Variants in CDK14 observed in about 807,000 individuals in gnomAD.
The protein encoded by CDK14 is cyclin dependent kinase 14, also known as cyclin-dependent kinase 14.
Under a neutral mutation model 60.7 loss-of-function variants are expected in CDK14, and 34 were observed. The ratio of observed to expected loss-of-function variants is 0.56; its 90% CI spans 0.43 to 0.75. The LOEUF (loss-of-function observed/expected upper bound fraction) is 0.75. Among genes scored for constraint, CDK14 ranks in the 30% least tolerant of loss-of-function variants. The pLI is 0.00. For synonymous variants in CDK14, 197 were observed against 203.7 expected, an observed-to-expected ratio of 0.97 and a Z score of 0.28; for missense variants, 482 against 564.1, an observed-to-expected ratio of 0.85 and a Z score of 1.47.
chr7:90,938,220 C>G (rs1373567258), intron 8 of CDK14, among the ~76,000 whole-genome samples: 4 of 152,212 alleles, frequency 2.6e-5, no homozygotes, highest in Non-Finnish European at 5.9e-5. Context: ...AAATGGCAAT[C>G]CTTTCTTAAA....
intron 2 of CDK14, among the ~76,000 whole-genome samples, chr7:90,630,639 A>T (rs912805369): frequency 1.3e-5 from 2 of 152,164 alleles, no homozygotes; most frequent in Admixed American, 6.5e-5. Context: ...TGGTATTTGA[A>T]TTATTATGTA....
intron 4 of CDK14, among the ~76,000 whole-genome samples, chr7:90,752,917 C>T (rs1803907193): frequency 6.6e-6 from 1 of 152,046 alleles, no homozygotes; most frequent in African/African-American, 2.4e-5. Context: ...ATTTCTGGAA[C>T]ACATAACCTC....
At chr7:91,030,201 A>C (rs1796723204) in intron 10 of CDK14, among the ~76,000 whole-genome samples, 1 of 152,240 alleles carries the variant, frequency 6.6e-6, no homozygotes, top group Admixed American at 6.5e-5. Context: ...CAAATGTAGT[A>C]CATTTTTATA....
At chr7:91,136,603 T>C (rs1800286997) in intron 14 of CDK14, among the ~76,000 whole-genome samples, 1 of 152,198 alleles carries the variant, frequency 6.6e-6, no homozygotes, top group Admixed American at 6.5e-5. Context: ...AAACATGCCT[T>C]GTAATGGATC....
intron 10 of CDK14, among the ~76,000 whole-genome samples, chr7:91,020,451 G>T (rs560257653): frequency 1.3e-5 from 2 of 152,292 alleles, no homozygotes; most frequent in South Asian, 2.1e-4. Flanking sequence ...TGCTCACATG[G>T]ATCACATATT....
intron 10 of CDK14, among the ~76,000 whole-genome samples, chr7:90,985,237 T>C (rs890946655): frequency 6.6e-6 from 1 of 152,206 alleles, no homozygotes; most frequent in African/African-American, 2.4e-5. Context: ...CCAGACTATC[T>C]GGGCTTATCA....
chr7:90,895,447 TCCCCTCC>T (rs1792291241), intron 6 of CDK14, among the ~76,000 whole-genome samples: 1 of 9,978 alleles, frequency 1.0e-4, no homozygotes, highest in Non-Finnish European at 1.8e-4. Context: ...TCTCCTCCCC[TCCCCTCC>T]CCTCCCCTCC....
At chr7:91,204,172 A>T (rs1802811621) in intron 14 of CDK14, among the ~76,000 whole-genome samples, 1 of 152,034 alleles carries the variant, frequency 6.6e-6, no homozygotes, top group African/African-American at 2.4e-5. Flanking sequence ...GTATCCATTT[A>T]CCCCCAGGCC....
intron 10 of CDK14, among the ~76,000 whole-genome samples, chr7:91,035,945 G>A (rs915552439): frequency 3.4e-5 from 5 of 146,440 alleles, no homozygotes; most frequent in Admixed American, 7.1e-5. Context: ...CCGGGTTCAC[G>A]CCATTCTCCT....
intron 5 of CDK14, chr7:90,824,715 A>G (rs1455828089): frequency 6.6e-5 from 10 of 152,202 alleles, no homozygotes; most frequent in Admixed American, 1.3e-4. Context: ...TTTTTGATCT[A>G]TGGGGCTATT....
chr7:90,845,381 A>G (rs1443927821), intron 5 of CDK14, among the ~76,000 whole-genome samples: 2 of 152,094 alleles, frequency 1.3e-5, no homozygotes, highest in East Asian at 3.9e-4. Flanking sequence ...TAAAAGTTTA[A>G]TTTTACTTTT....
intron 8 of CDK14, among the ~76,000 whole-genome samples, chr7:90,941,323 C>A (rs1363898920): frequency 6.6e-6 from 1 of 152,168 alleles, no homozygotes; most frequent in African/African-American, 2.4e-5. Context: ...CCAGGCCCAC[C>A]CTGTCTCAAA....
chr7:91,039,117 A>G (rs746778749), intron 10 of CDK14, among the ~76,000 whole-genome samples: 7 of 152,132 alleles, frequency 4.6e-5, no homozygotes, highest in Non-Finnish European at 7.3e-5. Context: ...TTTGCTTGAC[A>G]AGCGCCCAGT....
intron 5 of CDK14, among the ~76,000 whole-genome samples, chr7:90,816,665 T>G (rs1175177408): frequency 1.3e-5 from 2 of 152,140 alleles, no homozygotes; most frequent in South Asian, 2.1e-4. Context: ...GAGAAAGATT[T>G]GAGTATCTTC....
intron 12 of CDK14, among the ~76,000 whole-genome samples, chr7:91,084,964 G>A (rs1798593265): frequency 1.3e-5 from 2 of 152,218 alleles, no homozygotes; most frequent in African/African-American, 4.8e-5. Flanking sequence ...TCCCTGAAAG[G>A]AGGAGATGGA....
At position 90,865,799 on chromosome 7, in the gene CDK14, T is replaced by C. The variant is rs1306440795; in HGVS notation, c.639+2530T>C. On this transcript the variant is annotated intron_variant, in intron 6 of 14. Coordinates refer to ENST00000380050, the MANE Select transcript of CDK14 (RefSeq NM_001287135.2). ...GTCACTTTTGGTGCTCTCAACAGCC[T>C]CATGGAACTGTAAATACCATCATTT... Among the ~76,000 whole-genome samples, 3 of 152,158 alleles carry C rather than the reference T, an allele frequency of 2.0e-5. No individual in the cohort carries two copies. In the East Asian group the frequency reaches 5.8e-4, roughly 29 times the overall value.
At chr7:90,936,601 T>C (rs1410602570) in intron 8 of CDK14, among the ~76,000 whole-genome samples, 1 of 152,220 alleles carries the variant, frequency 6.6e-6, no homozygotes, top group Non-Finnish European at 1.5e-5. Flanking sequence ...TTAAATATCA[T>C]TATTTTAATT....
At chr7:90,813,461 G>A (rs1167665981) in intron 5 of CDK14, among the ~76,000 whole-genome samples, 1 of 152,180 alleles carries the variant, frequency 6.6e-6, no homozygotes, top group African/African-American at 2.4e-5. Flanking sequence ...AAAAATGACT[G>A]ATCTGGCTGG....
intron 9 of CDK14, among the ~76,000 whole-genome samples, chr7:90,968,836 AAC>A (rs1794835856): frequency 6.6e-6 from 1 of 151,704 alleles, no homozygotes; most frequent in African/African-American, 2.4e-5. Context: ...ACAAAAAAAA[AAC>A]AGCTCTAGAA....
Sources: gnomAD v4.1 joint callset for allele counts (sites outside exome capture counted in the v4.1 genomes callset) on GRCh38, gnomAD v4.1.1 for gene constraint, MANE v1.5 for transcripts, NCBI Gene and HGNC (gene_info 2026-07-23, HGNC 2026-07-21) for gene names.